The following RASGRF1 variants were observed in gnomAD, a reference collection of about 807,000 sequenced individuals.
The protein encoded by RASGRF1 is ras-specific guanine nucleotide-releasing factor 1.
RASGRF1 carries 40 observed loss-of-function variants against 138.7 expected under a neutral mutation model. The ratio of observed to expected loss-of-function variants is 0.29; its 90% CI spans 0.22 to 0.38. RASGRF1 has a LOEUF of 0.38. Among genes scored for constraint, RASGRF1 ranks in the 10% least tolerant of loss-of-function variants. RASGRF1 has a pLI of 1.00. For missense variants in RASGRF1, 1,108 were observed against 1,650.4 expected (o/e 0.67, Z 5.69); for synonymous variants, 614 against 663.2 (o/e 0.93, Z 1.14).
intron 26 of RASGRF1, among the ~76,000 whole-genome samples, chr15:78,967,492 T>C (rs1000384506): frequency 2.0e-5 from 3 of 152,116 alleles, no homozygotes; most frequent in African/African-American, 7.2e-5. Flanking sequence ...GAGGCTACAG[T>C]GAGCCAAGAT....
chr15:79,014,916 CA>C (rs201286667), intron 13 of RASGRF1, among the ~76,000 whole-genome samples: 114 of 63,114 alleles, frequency 1.8e-3, no homozygotes, highest in East Asian at 9.0e-3. Context: ...GACTTGGTCT[CA>C]AAAAAACAAA....
Position 79,032,625 on chromosome 15 carries a change from G to A in RASGRF1, c.959-309C>T, listed in dbSNP as rs1174273565. ...GAGTGGGCGCTGTGGGGTGCCACCT[G>A]GATCCCCCCAGCTGCCAGGAGTGCT... On this transcript the variant is annotated intron_variant, in intron 6 of 26. Transcript: ENST00000558480. This position sits in a 1 kb window ranked among gnomAD's most constrained non-coding sequence, Gnocchi z 4.5. Among the ~76,000 whole-genome samples, 2 of 152,162 alleles carry A rather than the reference G, an allele frequency of 1.3e-5. No individual in the cohort carries two copies. The highest frequency in any genetic ancestry group is 3.9e-4 in the East Asian group (2 of 5,186).
intron 3 of RASGRF1, among the ~76,000 whole-genome samples, chr15:79,056,301 G>A (rs2057510389): frequency 6.6e-6 from 1 of 152,186 alleles, no homozygotes; most frequent in South Asian, 2.1e-4. Flanking sequence ...GGACACTCTT[G>A]ATCATGAAGC....
intron 18 of RASGRF1, 139 bp from the exon 19 acceptor site, chr15:78,998,347 G>C (rs1472189860): frequency 2.7e-6 from 2 of 736,206 alleles, no homozygotes; most frequent in Non-Finnish European, 4.7e-6. Flanking sequence ...CTTTCTGTTG[G>C]CTTCCTGGCA....
chr15:78,965,986 C>G (rs2141586303), intron 26 of RASGRF1, among the ~76,000 whole-genome samples: 1 of 152,224 alleles, frequency 6.6e-6, no homozygotes, highest in South Asian at 2.1e-4. Flanking sequence ...TGGGTGGAGG[C>G]TGGTTGGTGT....
In RASGRF1 at chr15:78,998,196, T is replaced by G; in HGVS notation, c.2866A>C (p.Asn956His). Reference protein sequence around the residue: ...VSKHSQDFETNDELKCKVIGF... With the variant: ...VSKHSQDFETHDELKCKVIGF... ...ATCACCTTGCATTTGAGCTCATCGT[T>G]GGTCTCAAAGTCCTGCCGGGAAGGT... is the stretch of plus-strand genomic sequence containing the variant. Residue 956 changes from asparagine to histidine, a missense_variant, in exon 19 of 27, where the codon AAC becomes CAC. Around this residue, in one of 3 missense-constraint regions of RASGRF1, gnomAD observed 686 missense variants for 976.7 expected, o/e 0.70. Coordinates refer to ENST00000558480, the MANE Select transcript of RASGRF1 (RefSeq NM_001145648.3). 6.2e-7 allele frequency: 1 copy of G among 1,614,162 alleles called. No homozygotes were observed. The highest frequency in any genetic ancestry group is 2.2e-5 in the East Asian group (1 of 44,878).
intron 26 of RASGRF1, among the ~76,000 whole-genome samples, chr15:78,970,481 G>A (rs2055731082): frequency 1.3e-5 from 2 of 151,786 alleles, no homozygotes; most frequent in African/African-American, 4.8e-5. Flanking sequence ...GGCTTCCCAT[G>A]GTCCTAAGGA....
chr15:79,068,181 G>A (rs899392444), intron 1 of RASGRF1, among the ~76,000 whole-genome samples: 2 of 152,190 alleles, frequency 1.3e-5, no homozygotes, highest in African/African-American at 2.4e-5. Context: ...GGAGGTGGGT[G>A]TGAGGTGTCT....
chr15:79,012,692 C>CT (rs545655378), intron 13 of RASGRF1, among the ~76,000 whole-genome samples: 1 of 151,856 alleles, frequency 6.6e-6, no homozygotes, highest in Non-Finnish European at 1.5e-5. Context: ...CGCACTCTCT[C>CT]TTTTTTTTGA....
In RASGRF1 at chr15:78,996,847, C is replaced by G. The variant is rs949672947; in HGVS notation, c.2967-1047G>C. Reference sequence around the variant, plus strand: ...AGCCTGAGGGAAGAATGGGCCCCAGCATGGGGCCTCCACGGCCTGGCTGGG... The same window carrying G: ...AGCCTGAGGGAAGAATGGGCCCCAGGATGGGGCCTCCACGGCCTGGCTGGG... On this transcript the variant is annotated intron_variant, in intron 19 of 26. Transcript: ENST00000558480. 2.0e-5 allele frequency among the ~76,000 whole-genome samples: 3 copies of G among 152,194 alleles called. 1 individual carries two copies. The highest frequency in any genetic ancestry group is 1.3e-4 in the Admixed American group (2 of 15,286).
intron 10 of RASGRF1, among the ~76,000 whole-genome samples, 185 bp from the exon 11 acceptor site, chr15:79,020,289 T>C (rs2056941962): frequency 6.6e-6 from 1 of 152,240 alleles, no homozygotes; most frequent in Admixed American, 6.5e-5. Flanking sequence ...TTTATCTTCA[T>C]ATAAGAAGCT....
intron 13 of RASGRF1, chr15:79,012,470 C>T (rs1318126483): frequency 6.6e-7 from 1 of 1,504,056 alleles, no homozygotes; most frequent in African/African-American, 1.4e-5. Context: ...GATGAATTTC[C>T]CGAGGACGGA....
At chr15:78,984,426 G>A (rs1431943414) in intron 23 of RASGRF1, 1 of 164,352 alleles carries the variant, frequency 6.1e-6, no homozygotes, top group Non-Finnish European at 1.3e-5. Context: ...CTATCTTATG[G>A]TTTTATGTTC....
At chr15:79,077,104 G>C (rs561462512) in intron 1 of RASGRF1, among the ~76,000 whole-genome samples, 6 of 152,280 alleles carry the variant, frequency 3.9e-5, no homozygotes, top group African/African-American at 1.2e-4. Flanking sequence ...CTTCCATAAG[G>C]AGCCTTTTCT....
intron 22 of RASGRF1, among the ~76,000 whole-genome samples, chr15:78,989,518 T>C (rs2056227160): frequency 6.7e-6 from 1 of 150,148 alleles, no homozygotes; most frequent in African/African-American, 2.5e-5. Context: ...AAAGAGAATG[T>C]TTAATTAAAC....
chr15:79,004,778 T>G, intron 14 of RASGRF1: 1 of 985,526 alleles, frequency 1.0e-6, no homozygotes, highest in Non-Finnish European at 1.2e-6. Flanking sequence ...TCCAGAACAT[T>G]GCAAACCATA....
At chr15:78,996,769 C>G (rs1770820014) in intron 19 of RASGRF1, among the ~76,000 whole-genome samples, 1 of 152,216 alleles carries the variant, frequency 6.6e-6, no homozygotes, top group Non-Finnish European at 1.5e-5. Context: ...TGTGCACACA[C>G]TCTGGCCTCT....
rs918175976 is a variant in RASGRF1, at chr15:79,031,586, GGGAGTGAGCAA to G, written c.1153-88_1153-78del. On this transcript the variant is annotated intron_variant, in intron 7 of 26. Coordinates refer to ENST00000558480, the MANE Select transcript of RASGRF1 (RefSeq NM_001145648.3). Reference sequence around the variant, plus strand: ...CCGGGGAGCAAGGCAGGGGCAGACAGGGAGTGAGCAAGAGAGAGAGAGAAAGAGGGAGAGGG... The same window carrying G: ...CCGGGGAGCAAGGCAGGGGCAGACAGGAGAGAGAGAGAAAGAGGGAGAGGG... 49 of 829,248 alleles carry G rather than the reference GGGAGTGAGCAA, an allele frequency of 5.9e-5. No homozygotes were observed. The African/African-American group carries it at 7.9e-4, about 13-fold the overall frequency. 51.4% of individuals were successfully genotyped at this position (829,248 alleles called of 1,614,324 possible). A position where few individuals can be genotyped will look rare whatever the true frequency, so the allele number is the denominator to read the frequency against.
At chr15:79,045,316 C>T (rs1208938790) in intron 5 of RASGRF1, among the ~76,000 whole-genome samples, 1 of 152,188 alleles carries the variant, frequency 6.6e-6, no homozygotes, top group African/African-American at 2.4e-5. Context: ...GCAAGGAACA[C>T]GTTCTTCACA....
Sources: gnomAD v4.1 joint callset for allele counts (sites outside exome capture counted in the v4.1 genomes callset) on GRCh38, gnomAD v4.1.1 for gene constraint, gnomAD v4.1.1 regional missense constraint, Gnocchi (gnomAD v3.1) non-coding constraint, MANE v1.5 for transcripts, NCBI Gene and HGNC (gene_info 2026-07-23, HGNC 2026-07-21) for gene names.